MFN2: variants seen among roughly 807,000 people sequenced by gnomAD.
The protein encoded by MFN2 is mitofusin 2.
A neutral mutation model predicts 87.5 loss-of-function variants in MFN2; 43 were observed. The ratio of observed to expected loss-of-function variants is 0.49; its 90% CI spans 0.38 to 0.63. MFN2 has a LOEUF of 0.63. Among genes scored for constraint, MFN2 ranks in the 30% least tolerant of loss-of-function variants. The pLI, the probability that MFN2 is intolerant of heterozygous loss-of-function variation, is 0.00. For synonymous variants in MFN2, 337 were observed against 359.9 expected, an observed-to-expected ratio of 0.94 and a Z score of 0.72; for missense variants, 743 against 972.8, an observed-to-expected ratio of 0.76 and a Z score of 3.14.
chr1:11,984,036 C>G (rs900990839), intron 2 of MFN2, among the ~76,000 whole-genome samples: 2 of 152,188 alleles, frequency 1.3e-5, no homozygotes, highest in Non-Finnish European at 2.9e-5. Flanking sequence ...CAGGGAGGCT[C>G]CTGGACCGGC....
intron 14 of MFN2, 45 bp from the exon 15 acceptor site, chr1:12,005,666 C>G: frequency 6.3e-7 from 1 of 1,579,254 alleles, no homozygotes; most frequent in Non-Finnish European, 8.7e-7. Context: ...CGCTGTGGTG[C>G]AGGGCTGAGC....
chr1:11,995,093 T>C (rs1421960409), intron 4 of MFN2, among the ~76,000 whole-genome samples: 2 of 151,952 alleles, frequency 1.3e-5, no homozygotes, highest in African/African-American at 4.8e-5. Context: ...AATTTAAAAA[T>C]TAGCTGGGCG....
At chr1:11,991,949 A>AAAAAAG (rs1638701637) in intron 3 of MFN2, among the ~76,000 whole-genome samples, 1 of 144,844 alleles carries the variant, frequency 6.9e-6, no homozygotes, top group African/African-American at 2.7e-5. Flanking sequence ...AAAAAAAAAA[A>AAAAAAG]AAAGAAGTGA....
chr1:11,987,775 C>T (rs1638484427), intron 2 of MFN2, among the ~76,000 whole-genome samples: 1 of 151,906 alleles, frequency 6.6e-6, no homozygotes, highest in Non-Finnish European at 1.5e-5. Context: ...TAAGAAGACC[C>T]TGTCTCTACA....
At chr1:11,994,199 T>C (rs1362177382) in intron 4 of MFN2, among the ~76,000 whole-genome samples, 1 of 152,184 alleles carries the variant, frequency 6.6e-6, no homozygotes, top group Non-Finnish European at 1.5e-5. Flanking sequence ...GACAAACCAA[T>C]ATGTAGGCAG....
intron 14 of MFN2, 149 bp downstream of exon 14, chr1:12,005,076 T>C: frequency 1.4e-6 from 1 of 714,632 alleles, no homozygotes; most frequent in Non-Finnish European, 2.5e-6. Flanking sequence ...GTACATGTTC[T>C]GAACTCATTC....
chr1:11,999,779 T>C (rs986524522), intron 8 of MFN2, among the ~76,000 whole-genome samples: 2 of 151,670 alleles, frequency 1.3e-5, no homozygotes, highest in African/African-American at 4.8e-5. Context: ...TTGGGCGACG[T>C]AGCAAAACGC....
chr1:11,992,808 C>T, intron 4 of MFN2, 118 bp downstream of exon 4: 1 of 1,251,232 alleles, frequency 8.0e-7, no homozygotes, highest in Non-Finnish European at 1.1e-6. Context: ...TTGCTTTCCT[C>T]TTAATTTATA....
At chr1:12,011,376 C>A (rs3766741) in intron 18 of MFN2, 120 bp from the exon 19 acceptor site, 3 of 1,046,916 alleles carry the variant, frequency 2.9e-6, no homozygotes, top group Non-Finnish European at 4.4e-6. Context: ...GGGATAAACA[C>A]GATTGTTGGA....
Position 12,002,084 on chromosome 1 carries a change from A to C in MFN2, c.1141A>C (p.Met381Leu). The C allele has an allele frequency of 3.1e-6, 5 of 1,614,242 alleles. No individual in the cohort carries two copies. The East Asian group carries it at 6.7e-5, about 22-fold the overall frequency. Residue 381 changes from methionine (M) to leucine (L), a missense_variant, in exon 11 of 19, where the codon ATG (methionine) becomes CTG (leucine). Physicochemically the swap from Met to Leu is conservative, Grantham distance 15. Transcript: ENST00000235329. ...TCGACTCATCATGGACTCCCTGCAC[A>C]TGGCGGCTCGGGAGCAGCAGTAAGA... ...AVRLIMDSLH[M>L]AAREQQVYCE... is the part of the protein sequence containing the mutation.
intron 4 of MFN2, among the ~76,000 whole-genome samples, chr1:11,995,347 A>G (rs1638864866): frequency 6.6e-6 from 1 of 152,144 alleles, no homozygotes; most frequent in Non-Finnish European, 1.5e-5. Flanking sequence ...AGAATGAGAA[A>G]GTAGGCTGGG....
chr1:12,004,025 AGACCGACT>A lies in MFN2; in HGVS notation c.1197_1204del (p.Asp399GlufsTer4). The A allele has an allele frequency of 6.2e-7, 1 of 1,614,246 alleles. No homozygotes were observed. The highest frequency in any genetic ancestry group is 8.5e-7 in the Non-Finnish European group (1 of 1,180,042). On this transcript the variant is annotated frameshift_variant, in exon 12 of 19. Transcript: ENST00000235329. LOFTEE classifies it high-confidence loss of function. The surrounding 1 kb of genome is among the most constrained non-coding windows in gnomAD (Gnocchi z 4.2). ...GCGAGGAAATGCGTGAAGAGCGGCAAGACCGACTGAAATTTATTGACAAACAGCTGGAG... is the reference window on the plus strand; with the variant it reads ...GCGAGGAAATGCGTGAAGAGCGGCAAGAAATTTATTGACAAACAGCTGGAG...
chr1:12,003,990 A>G lies in MFN2; in HGVS notation c.1161-2A>G. The G allele has an allele frequency of 6.2e-7, 1 of 1,614,188 alleles. No individual in the cohort carries two copies. On this transcript the variant is annotated splice_acceptor_variant, in intron 11 of 18. Coordinates refer to ENST00000235329, the MANE Select transcript of MFN2 (RefSeq NM_014874.4). LOFTEE classifies it high-confidence loss of function. The surrounding 1 kb of genome is among the most constrained non-coding windows in gnomAD (Gnocchi z 4.1). ...GATTTCTCACCAGTACTCTGCTTTCAGGGTTTACTGCGAGGAAATGCGTGA... is the reference window on the plus strand; with the variant it reads ...GATTTCTCACCAGTACTCTGCTTTCGGGGTTTACTGCGAGGAAATGCGTGA...
At position 12,011,957 on chromosome 1, in the gene MFN2, G is replaced by T; in HGVS notation, c.*392G>T. 3.6e-6 allele frequency: 1 copy of T among 275,566 alleles called. No homozygotes were observed. Among genetic ancestry groups the T allele is most frequent in the Non-Finnish European group, 7.1e-6 (1 of 140,276 alleles). The allele number at this position is 275,566 out of a possible 1,614,324, so 17.1% of individuals were successfully genotyped here. ...ACACCCCCACCTTCCTCCAGCCTGT[G>T]CGCACCTGCCCTCCTTGCAGCCCAG... On this transcript the variant is annotated 3_prime_UTR_variant, in exon 19 of 19. Transcript: ENST00000235329.
chr1:11,997,879 C>A (rs1158732477), intron 6 of MFN2, among the ~76,000 whole-genome samples: 1 of 95,834 alleles, frequency 1.0e-5, no homozygotes, highest in Non-Finnish European at 1.9e-5. Flanking sequence ...TGTATATCAT[C>A]TTTTTTTTTT....
chr1:11,997,078 GA>G (rs1299652895), intron 5 of MFN2, among the ~76,000 whole-genome samples: 1 of 150,800 alleles, frequency 6.6e-6, no homozygotes, highest in African/African-American at 2.4e-5. Context: ...GTGCAGAACA[GA>G]TGACTTTAGG....
chr1:11,992,781 A>T, intron 4 of MFN2, 91 bp downstream of exon 4: 1 of 1,502,242 alleles, frequency 6.7e-7, no homozygotes, highest in Non-Finnish European at 9.3e-7. Flanking sequence ...CCAGGCAGGG[A>T]CATGCTTCAG....
At position 11,989,279 on chromosome 1, in the gene MFN2, G is replaced by A; in HGVS notation, c.111G>A (p.Lys37=). Residue 37 remains lysine, a synonymous_variant, in exon 3 of 19, where the codon AAG becomes AAA. Transcript: ENST00000235329. The part of the protein sequence containing the change: ...SPLKHFVTAK[K]KINGIFEQLG... The stretch of plus-strand genomic sequence containing the variant: ...TTAAGCACTTTGTCACTGCCAAGAA[G>A]AAGATCAATGGCATTTTTGAGCAGC... 6.2e-7 allele frequency: 1 copy of A among 1,614,100 alleles called. No homozygotes were observed.
In MFN2 at chr1:12,007,156, G is replaced by C; in HGVS notation, c.1976G>C (p.Arg659Thr). Residue 659 changes from arginine (R) to threonine (T), a missense_variant, in exon 17 of 19, where the codon AGG becomes ACG. Physicochemically the swap from Arg to Thr is moderately conservative, Grantham distance 71. This residue lies in a region of MFN2 where 571 missense variants were observed against 670.7 expected (regional missense o/e 0.85). Transcript: ENST00000235329. ...ACCTGGACCACCAAGGCCAAGGAGA[G>C]GGCCTTCAAGCGCCAGTTTGTGGAG... ...RLTWTTKAKE[R>T]AFKRQFVEHA... The C allele has an allele frequency of 6.2e-7, 1 of 1,614,210 alleles. No individual in the cohort carries two copies. Among genetic ancestry groups the C allele is most frequent in the East Asian group, 2.2e-5 (1 of 44,886 alleles).
Sources: gnomAD v4.1 joint callset for allele counts (sites outside exome capture counted in the v4.1 genomes callset) on GRCh38, gnomAD v4.1.1 for gene constraint, gnomAD v4.1.1 regional missense constraint, Gnocchi (gnomAD v3.1) non-coding constraint, MANE v1.5 for transcripts, NCBI Gene and HGNC (gene_info 2026-07-23, HGNC 2026-07-21) for gene names.